The following EFCAB6 variants were observed in gnomAD, a reference collection of about 807,000 sequenced individuals.
EFCAB6 encodes the protein EF-hand calcium binding domain 6.
Under a neutral mutation model 169.8 loss-of-function variants are expected in EFCAB6, and 156 were observed. The observed-to-expected ratio is 0.92, with a 90% CI of 0.81 to 1.05. The LOEUF (loss-of-function observed/expected upper bound fraction) is 1.05, where lower values mean the gene tolerates loss of function less well. Among genes scored for constraint, EFCAB6 ranks in the 50% least tolerant of loss-of-function variants. The pLI, the probability that EFCAB6 is intolerant of heterozygous loss-of-function variation, is 0.00. For synonymous variants in EFCAB6, 698 were observed against 676.4 expected, an observed-to-expected ratio of 1.03 and a Z score of -0.50; for missense variants, 1,800 against 1,829.1, an observed-to-expected ratio of 0.98 and a Z score of 0.29.
At chr22:43,747,228 C>T (rs893703095) in intron 6 of EFCAB6, among the ~76,000 whole-genome samples, 3 of 152,160 alleles carry the variant, frequency 2.0e-5, no homozygotes, top group African/African-American at 7.2e-5. Flanking sequence ...CCCAAAATGG[C>T]GTTCCTCCAA....
In EFCAB6 at chr22:43,795,433, A is replaced by G. The variant is rs112353754; in HGVS notation, c.-7-13108T>C. On this transcript the variant is annotated intron_variant, in intron 2 of 31. Transcript: ENST00000262726. The surrounding 1 kb of genome is among the most constrained non-coding windows in gnomAD (Gnocchi z 4.2). Reference sequence around the variant, plus strand: ...CTAGACATCATGCCTACCAGTGCCCACTAGGCAGGAGAGGAGCTGCCTCCT... The same window carrying G: ...CTAGACATCATGCCTACCAGTGCCCGCTAGGCAGGAGAGGAGCTGCCTCCT... 0.019 allele frequency among the ~76,000 whole-genome samples: 2,893 copies of G among 152,142 alleles called. 94 individuals are homozygous for G. Among genetic ancestry groups the G allele is most frequent in the African/African-American group, 0.066 (2,756 of 41,492 alleles).
intron 11 of EFCAB6, among the ~76,000 whole-genome samples, chr22:43,686,260 G>C (rs573811568): frequency 3.8e-4 from 58 of 152,228 alleles, no homozygotes; most frequent in Non-Finnish European, 6.5e-4. Context: ...GATTATAGGC[G>C]TGAGTCACCG....
In EFCAB6 at chr22:43,667,172, A is replaced by G. The variant is rs200603007; in HGVS notation, c.1915T>C (p.Phe639Leu). The change falls in exon 17 of 32, where the codon TTC becomes CTC. Residue 639 changes from phenylalanine to leucine, a missense_variant. Coordinates refer to ENST00000262726, the MANE Select transcript of EFCAB6 (RefSeq NM_022785.4). ...KKCIQQQDPA[F>L]KKRFLDFSKE... The stretch of plus-strand genomic sequence containing the variant: ...CTGAAGTCAAGAAATCGTTTTTTGA[A>G]TGCCGGGTCCTGCTGCTGTATACAC... The G allele has an allele frequency of 6.2e-7, 1 of 1,614,084 alleles. No individual in the cohort carries two copies. The highest frequency in any genetic ancestry group is 1.3e-5 in the African/African-American group (1 of 75,030).
At chr22:43,591,237 C>T (rs1602470208) in intron 23 of EFCAB6, among the ~76,000 whole-genome samples, 1 of 150,156 alleles carries the variant, frequency 6.7e-6, no homozygotes, top group Non-Finnish European at 1.5e-5. Flanking sequence ...GTGGGTAGAT[C>T]ACGAGGTCAG....
intron 2 of EFCAB6, among the ~76,000 whole-genome samples, chr22:43,787,162 A>G (rs1210619649): frequency 6.6e-6 from 1 of 152,192 alleles, no homozygotes; most frequent in Non-Finnish European, 1.5e-5. Flanking sequence ...AGAAGACAAG[A>G]ATGCCTGTTC....
intron 24 of EFCAB6, among the ~76,000 whole-genome samples, chr22:43,586,056 A>C (rs911528863): frequency 6.6e-6 from 1 of 152,232 alleles, no homozygotes. Flanking sequence ...ATACAGATCT[A>C]CATCAAGAAA....
At chr22:43,556,534 A>C (rs1386376952) in intron 26 of EFCAB6, among the ~76,000 whole-genome samples, 1 of 152,210 alleles carries the variant, frequency 6.6e-6, no homozygotes, top group East Asian at 1.9e-4. Context: ...AGTGCCATGC[A>C]AAGGGTTTCA....
At chr22:43,659,262 A>G (rs1366229095) in intron 17 of EFCAB6, among the ~76,000 whole-genome samples, 2 of 152,176 alleles carry the variant, frequency 1.3e-5, no homozygotes, top group Non-Finnish European at 2.9e-5. Flanking sequence ...CATAACAAAG[A>G]GCTTTTAGAA....
At chr22:43,594,200 G>C (rs1177818207) in intron 23 of EFCAB6, among the ~76,000 whole-genome samples, 2 of 150,688 alleles carry the variant, frequency 1.3e-5, no homozygotes, top group Non-Finnish European at 2.9e-5. Flanking sequence ...GCTTGAACCT[G>C]GGAGGCAGAG....
chr22:43,593,458 G>A (rs1241811218), intron 23 of EFCAB6, among the ~76,000 whole-genome samples: 2 of 152,200 alleles, frequency 1.3e-5, no homozygotes. Flanking sequence ...GAGAAGAGAA[G>A]ACACGAGTGG....
At chr22:43,742,568 A>T (rs1394291865) in intron 6 of EFCAB6, among the ~76,000 whole-genome samples, 1 of 152,260 alleles carries the variant, frequency 6.6e-6, no homozygotes, top group Non-Finnish European at 1.5e-5. Context: ...CTATGCCTTA[A>T]GTTAAAGGCT....
intron 17 of EFCAB6, among the ~76,000 whole-genome samples, chr22:43,644,969 C>T (rs1459079372): frequency 6.6e-6 from 1 of 152,176 alleles, no homozygotes; most frequent in African/African-American, 2.4e-5. Context: ...CCTTACTCTT[C>T]GGGGGTTTCC....
intron 18 of EFCAB6, 44 bp from the exon 19 acceptor site, chr22:43,632,282 G>A (rs369824079): frequency 3.5e-6 from 5 of 1,427,320 alleles, no homozygotes; most frequent in African/African-American, 3.0e-5. Flanking sequence ...GTGCCCATCA[G>A]CTTCATTCCT....
Position 43,628,666 on chromosome 22 carries a change from C to T in EFCAB6, c.2233-1987G>A, listed in dbSNP as rs1234881992. 6.6e-6 allele frequency among the ~76,000 whole-genome samples: 1 copy of T among 152,150 alleles called. No homozygotes were observed. The highest frequency in any genetic ancestry group is 1.9e-4 in the East Asian group (1 of 5,182). ...CCTGCTTCAGGGTATCGCAGGGAGCCCTCTCCAGTGTCCGCAGGGCTCACT... is the reference window on the plus strand; with the variant it reads ...CCTGCTTCAGGGTATCGCAGGGAGCTCTCTCCAGTGTCCGCAGGGCTCACT... On this transcript the variant is annotated intron_variant, in intron 19 of 31. Transcript: ENST00000262726. The surrounding 1 kb of genome is among the most constrained non-coding windows in gnomAD (Gnocchi z 4.8).
intron 23 of EFCAB6, among the ~76,000 whole-genome samples, chr22:43,591,113 T>TTG (rs1569211584): frequency 6.8e-4 from 26 of 38,334 alleles, no homozygotes; most frequent in African/African-American, 1.9e-3. Context: ...TGTTTTTTGT[T>TTG]TTTTTTTTTT....
intron 17 of EFCAB6, among the ~76,000 whole-genome samples, chr22:43,636,548 T>A (rs1451884893): frequency 6.6e-6 from 1 of 151,872 alleles, no homozygotes. Context: ...GGAGTTTGGG[T>A]CACTTTTCTT....
intron 1 of EFCAB6, among the ~76,000 whole-genome samples, chr22:43,811,215 G>T (rs2063106237): frequency 6.6e-6 from 1 of 151,196 alleles, no homozygotes; most frequent in Middle Eastern, 3.4e-3. Flanking sequence ...GGGAGGTGGA[G>T]GTTGCAGTGA....
intron 6 of EFCAB6, among the ~76,000 whole-genome samples, chr22:43,752,688 A>G (rs2060814517): frequency 6.6e-6 from 1 of 152,126 alleles, no homozygotes; most frequent in African/African-American, 2.4e-5. Flanking sequence ...AAAATTTGAC[A>G]TCAAAGCATC....
At position 43,672,245 on chromosome 22, in the gene EFCAB6, C is replaced by T. The variant is rs1239708699; in HGVS notation, c.1479+1G>A. ...ACACAAAGAAGGCAAGTGTTACTTA[C>T]TGAATCCCAGGCCAGGAGGAAAGGT... On this transcript the variant is annotated splice_donor_variant, in intron 14 of 31. Transcript: ENST00000262726. LOFTEE classifies it high-confidence loss of function. The T allele has an allele frequency of 6.2e-7, 1 of 1,614,166 alleles. No individual in the cohort carries two copies. Among genetic ancestry groups the T allele is most frequent in the South Asian group, 1.1e-5 (1 of 91,076 alleles).
Sources: allele counts gnomAD v4.1 joint callset (sites outside exome capture counted in the v4.1 genomes callset), GRCh38; gene constraint gnomAD v4.1.1; non-coding constraint Gnocchi (gnomAD v3.1); transcripts MANE v1.5; gene names NCBI Gene and HGNC (gene_info 2026-07-23, HGNC 2026-07-21).